The following PHF11 variants were observed in gnomAD, a reference collection of about 807,000 sequenced individuals.
PHF11 encodes PHD finger protein 11, also known as BRCA1 C-terminus-associated protein.
Under a neutral mutation model 40.5 loss-of-function variants are expected in PHF11, and 38 were observed. That is an observed-to-expected ratio of 0.94 (90% CI 0.72 to 1.23). PHF11 has a LOEUF of 1.23. Among genes scored for constraint, PHF11 ranks in the 50% most tolerant of loss-of-function variants. The probability of loss-of-function intolerance (pLI) is 0.00; values close to 1 mark genes in which losing one functional copy is unlikely to be tolerated. For synonymous variants in PHF11, 127 were observed against 138.2 expected, an observed-to-expected ratio of 0.92 and a Z score of 0.57; for missense variants, 369 against 392.4, an observed-to-expected ratio of 0.94 and a Z score of 0.50.
chr13:49,522,191 C>T, intron 6 of PHF11, 84 bp downstream of exon 6: 1 of 701,960 alleles, frequency 1.4e-6, no homozygotes, highest in Non-Finnish European at 2.5e-6. Flanking sequence ...GTGAAAGGTA[C>T]TTTCCAAATC....
rs1392760959 is a variant in PHF11 at position 49,522,121 on chromosome 13, G to A, written c.570+14G>A. 7.1e-7 allele frequency: 1 copy of A among 1,413,790 alleles called. No individual in the cohort carries two copies. Among genetic ancestry groups the A allele is most frequent in the Non-Finnish European group, 1.0e-6 (1 of 1,003,206 alleles). 87.6% of individuals were successfully genotyped at this position (1,413,790 alleles called of 1,614,324 possible). A position where few individuals can be genotyped will look rare whatever the true frequency, so the allele number is the denominator to read the frequency against. ...AATCATGTACAGGTAATTTGACTTA[G>A]TTTTTATAGCTTTGCATTTCTTCAT... On this transcript the variant is annotated intron_variant, in intron 6 of 9. Coordinates refer to ENST00000378319, the MANE Select transcript of PHF11 (RefSeq NM_001040443.3).
At chr13:49,497,366 C>A in intron 1 of PHF11, 1 of 486,864 alleles carries the variant, frequency 2.1e-6, no homozygotes, top group Non-Finnish European at 3.8e-6. Context: ...GTACTCCAAA[C>A]CTGCTCAACC....
At chr13:49,513,612 T>A (rs1959109493) in intron 3 of PHF11, among the ~76,000 whole-genome samples, 1 of 150,886 alleles carries the variant, frequency 6.6e-6, no homozygotes. Flanking sequence ...ATTACAGGTG[T>A]GAGCCACCAC....
At chr13:49,514,475 G>A (rs188325378) in intron 3 of PHF11, among the ~76,000 whole-genome samples, 23 of 152,232 alleles carry the variant, frequency 1.5e-4, no homozygotes, top group African/African-American at 4.8e-4. Flanking sequence ...TGTGTGGCCC[G>A]GGCATGGTGC....
rs1286005941 is a variant in PHF11 at position 49,522,758 on chromosome 13, GGTTTT to G, written c.571-416_571-412del. Among the ~76,000 whole-genome samples, 136 of 35,842 alleles carry G rather than the reference GGTTTT, an allele frequency of 3.8e-3. 2 individuals carry two copies. Among genetic ancestry groups the G allele is most frequent in the Admixed American group, 9.1e-3 (23 of 2,520 alleles). The allele number at this position is 35,842 out of a possible 152,430, so 23.5% of individuals were successfully genotyped here. A position where few individuals can be genotyped will look rare whatever the true frequency, so the allele number is the denominator to read the frequency against. ...TGTTTACATCTAAATATGAATATGG[GGTTTT>G]TTTGTTTTTTTTTTTTTTTGAGACA... On this transcript the variant is annotated intron_variant, in intron 6 of 9. Coordinates refer to ENST00000378319, the MANE Select transcript of PHF11 (RefSeq NM_001040443.3).
At chr13:49,522,008 A>T in intron 5 of PHF11, 35 bp from the exon 6 acceptor site, 1 of 1,021,392 alleles carries the variant, frequency 9.8e-7, no homozygotes, top group Non-Finnish European at 1.5e-6. Flanking sequence ...CTTTTCCTTT[A>T]TGGATTCCAA....
intron 4 of PHF11, 112 bp downstream of exon 4, chr13:49,518,263 G>C: frequency 3.0e-6 from 2 of 668,176 alleles, no homozygotes; most frequent in Non-Finnish European, 4.8e-6. Context: ...TTTCAAATGA[G>C]AACAAAGCCA....
chr13:49,512,170 C>T (rs1044540955), intron 2 of PHF11, among the ~76,000 whole-genome samples: 5 of 152,166 alleles, frequency 3.3e-5, no homozygotes, highest in African/African-American at 1.2e-4. Context: ...GCTCATTTGC[C>T]ATTCATAAAC....
Position 49,526,425 on chromosome 13 carries a change from TTG to T in PHF11, c.810_811del (p.Leu270PhefsTer31). 6.2e-7 allele frequency: 1 copy of T among 1,609,976 alleles called. No individual in the cohort carries two copies. Among genetic ancestry groups the T allele is most frequent in the Non-Finnish European group, 8.5e-7 (1 of 1,176,262 alleles). On this transcript the variant is annotated frameshift_variant, in exon 9 of 10. Coordinates refer to ENST00000378319, the MANE Select transcript of PHF11 (RefSeq NM_001040443.3). LOFTEE classifies it low-confidence loss of function (END_TRUNC). ...CGGGAGTGCACTTTTTGACTGTAGATTGTTCGAAGACACATTTGTAAATTTTC... is the reference window on the plus strand; with the variant it reads ...CGGGAGTGCACTTTTTGACTGTAGATTTCGAAGACACATTTGTAAATTTTC... ...EIGSALFDCR[L>X]FEDTFVNFQA...
At chr13:49,504,472 C>T (rs1334657192) in intron 1 of PHF11, among the ~76,000 whole-genome samples, 4 of 148,132 alleles carry the variant, frequency 2.7e-5, no homozygotes, top group African/African-American at 7.4e-5. Flanking sequence ...AAGATACTCC[C>T]CAGCCCCCCG....
chr13:49,525,866 GTACAA>G, intron 8 of PHF11: 2 of 442,756 alleles, frequency 4.5e-6, no homozygotes, highest in Non-Finnish European at 9.0e-6. Flanking sequence ...TTCTGATTCA[GTACAA>G]ATACCAAGAA....
chr13:49,506,622 A>T lies in PHF11; in HGVS notation c.95-13A>T, dbSNP rs368194485. On this transcript the variant is annotated splice_polypyrimidine_tract_variant and intron_variant, in intron 1 of 9. Transcript: ENST00000378319. ...TCCACTTTTCCATTTCTCACCAGGG[A>T]TATTACTTATAGGTGTCTTTCAGGT... The T allele has an allele frequency of 1.2e-6, 2 of 1,612,832 alleles. No homozygotes were observed. The highest frequency in any genetic ancestry group is 1.1e-5 in the South Asian group (1 of 91,044).
intron 1 of PHF11, among the ~76,000 whole-genome samples, chr13:49,503,721 GTTTT>G (rs756165997): frequency 3.0e-4 from 46 of 152,088 alleles, no homozygotes; most frequent in Non-Finnish European, 3.7e-4. Flanking sequence ...TCTTTTTTGG[GTTTT>G]TTGTTTGTTT....
At chr13:49,524,334 C>G (rs1388908857) in intron 8 of PHF11, 118 bp downstream of exon 8, 8 of 809,044 alleles carry the variant, frequency 9.9e-6, no homozygotes, top group Non-Finnish European at 1.6e-5. Context: ...CTTTTTTCTT[C>G]TATCAGCTTT....
intron 7 of PHF11, chr13:49,523,526 C>T: frequency 2.3e-6 from 1 of 429,264 alleles, no homozygotes; most frequent in Non-Finnish European, 4.1e-6. Flanking sequence ...CAATGTGTCA[C>T]CCCTCACACT....
At chr13:49,517,161 A>T (rs1469633104) in intron 3 of PHF11, among the ~76,000 whole-genome samples, 2 of 151,958 alleles carry the variant, frequency 1.3e-5, no homozygotes, top group African/African-American at 4.8e-5. Context: ...TTGAATTTCC[A>T]CCGTTATCAT....
chr13:49,513,420 TC>T (rs1959106082), intron 3 of PHF11, among the ~76,000 whole-genome samples: 1 of 149,228 alleles, frequency 6.7e-6, no homozygotes, highest in Non-Finnish European at 1.5e-5. Flanking sequence ...AACCTCCGCC[TC>T]CTGGGTTCAA....
At chr13:49,527,177 A>G (rs888213570) in intron 9 of PHF11, 1 of 152,246 alleles carries the variant, frequency 6.6e-6, no homozygotes, top group Non-Finnish European at 1.5e-5. Flanking sequence ...TTAAATATCA[A>G]CCATTTATTG....
At chr13:49,526,569 T>C (rs1393988152) in intron 9 of PHF11, 111 bp downstream of exon 9, 6 of 725,638 alleles carry the variant, frequency 8.3e-6, no homozygotes, top group Non-Finnish European at 1.4e-5. Context: ...ATGTTCATTG[T>C]TTTCTTAAAT....
Sources: allele counts gnomAD v4.1 joint callset (sites outside exome capture counted in the v4.1 genomes callset), GRCh38; gene constraint gnomAD v4.1.1; transcripts MANE v1.5; gene names NCBI Gene and HGNC (gene_info 2026-07-23, HGNC 2026-07-21).